Variants in ITPR1 observed in about 807,000 individuals in gnomAD.
ITPR1 encodes the protein inositol 1,4,5-trisphosphate receptor type 1, also known as inositol 1,4,5-trisphosphate-gated calcium channel ITPR1.
A neutral mutation model predicts 318.4 loss-of-function variants in ITPR1; 96 were observed. That is an observed-to-expected ratio of 0.30 (90% confidence interval 0.26 to 0.36). The LOEUF is 0.36. Among genes scored for constraint, ITPR1 ranks in the 10% least tolerant of loss-of-function variants. The pLI is 1.00. For missense variants in ITPR1, 2,440 were observed against 3,460.2 expected, an observed-to-expected ratio of 0.71 and a Z score of 7.40; for synonymous variants, 1,312 against 1,289.9, an observed-to-expected ratio of 1.02 and a Z score of -0.37.
chr3:4,613,200 A>G lies in ITPR1; in HGVS notation c.164-14563A>G, dbSNP rs942304885. On this transcript the variant is annotated intron_variant, in intron 4 of 61. Transcript: ENST00000649015. ...CCAGGTTAGGAGTAGATAAGAGACAAAAGGTTGCATTCTTCTGAGTCCTTT... is the reference window on the plus strand; with the variant it reads ...CCAGGTTAGGAGTAGATAAGAGACAGAAGGTTGCATTCTTCTGAGTCCTTT... Among the ~76,000 whole-genome samples the G allele has an allele frequency of 1.4e-3, 217 of 152,320 alleles. 2 individuals carry two copies. The highest frequency in any genetic ancestry group is 5.0e-3 in the African/African-American group (206 of 41,566).
chr3:4,515,337 T>A (rs1327022528), intron 2 of ITPR1, among the ~76,000 whole-genome samples: 1 of 152,178 alleles, frequency 6.6e-6, no homozygotes, highest in Admixed American at 6.5e-5. Flanking sequence ...CGTTCCACAC[T>A]GTTACAACTC....
rs762425904 is a variant in ITPR1 at position 4,653,905 on chromosome 3, C to T, written c.996+19C>T. 6.4e-7 allele frequency: 1 copy of T among 1,573,108 alleles called. No individual in the cohort carries two copies. The highest frequency in any genetic ancestry group is 1.1e-5 in the South Asian group (1 of 88,762). ...GCCCTCAGTAAGTATGGACAAGAGC[C>T]TTCTTGTCTTCATCTGGTAGGGTGC... On this transcript the variant is annotated intron_variant, in intron 12 of 61. Coordinates refer to ENST00000649015, the MANE Select transcript of ITPR1 (RefSeq NM_001378452.1).
intron 10 of ITPR1, among the ~76,000 whole-genome samples, chr3:4,649,108 T>G (rs1376490398): frequency 6.6e-6 from 1 of 152,190 alleles, no homozygotes; most frequent in African/African-American, 2.4e-5. Flanking sequence ...ATGGAGACTT[T>G]CTCATCTTTC....
At position 4,710,297 on chromosome 3, in the gene ITPR1, G is replaced by A. The variant is rs369677051; in HGVS notation, c.4843-28G>A. On this transcript the variant is annotated intron_variant, in intron 37 of 61. Transcript: ENST00000649015. This position sits in a 1 kb window ranked among gnomAD's most constrained non-coding sequence, Gnocchi z 4.2. ...CCTGTGGTCAGCGTCTGCCTGAGCCGTTGACTGAGGCTGTGTTTCCGTTTT... is the reference window on the plus strand; with the variant it reads ...CCTGTGGTCAGCGTCTGCCTGAGCCATTGACTGAGGCTGTGTTTCCGTTTT... 5.3e-5 allele frequency: 80 copies of A among 1,516,678 alleles called. No homozygotes were observed. Among genetic ancestry groups the A allele is most frequent in the Middle Eastern group, 2.2e-4 (1 of 4,606 alleles). The allele number at this position is 1,516,678 out of a possible 1,614,324, so 94.0% of individuals were successfully genotyped here.
chr3:4,631,483 C>A (rs1265772697), intron 5 of ITPR1, among the ~76,000 whole-genome samples: 1 of 151,898 alleles, frequency 6.6e-6, no homozygotes, highest in East Asian at 1.9e-4. Context: ...TTTCTCAAAT[C>A]CTCTTTTAAA....
intron 2 of ITPR1, among the ~76,000 whole-genome samples, chr3:4,498,158 C>T (rs1471671547): frequency 6.6e-6 from 1 of 152,064 alleles, no homozygotes; most frequent in Non-Finnish European, 1.5e-5. Flanking sequence ...GTACTTAGTG[C>T]CACTGAGTTA....
At chr3:4,724,861 G>A (rs891930638) in intron 40 of ITPR1, among the ~76,000 whole-genome samples, 3 of 152,192 alleles carry the variant, frequency 2.0e-5, no homozygotes, top group African/African-American at 7.2e-5. Flanking sequence ...TGTGTGGCAT[G>A]GCTGGGATGG....
rs1182407518 is a variant in ITPR1 at position 4,524,808 on chromosome 3, A to G, written c.163+3714A>G. Among the ~76,000 whole-genome samples the G allele has an allele frequency of 3.3e-5, 5 of 152,274 alleles. No homozygotes were observed. The East Asian group carries it at 9.6e-4, about 29-fold the overall frequency. On this transcript the variant is annotated intron_variant, in intron 4 of 61. Coordinates refer to ENST00000649015, the MANE Select transcript of ITPR1 (RefSeq NM_001378452.1). ...GGATCAGGCTTCCTGGTTCATATCC[A>G]AGTTCCATGAATTCTTTGCTGTGTG... is the stretch of plus-strand genomic sequence containing the variant.
chr3:4,563,636 G>T (rs1442911940), intron 4 of ITPR1, among the ~76,000 whole-genome samples: 2 of 152,184 alleles, frequency 1.3e-5, no homozygotes, highest in South Asian at 2.1e-4. Context: ...TGCAGAGTAC[G>T]TGTTTCTGGT....
intron 12 of ITPR1, among the ~76,000 whole-genome samples, chr3:4,654,118 G>A (rs1028451729): frequency 2.6e-5 from 4 of 152,090 alleles, no homozygotes; most frequent in Admixed American, 6.5e-5. Flanking sequence ...GTGTAGTAAC[G>A]GGGTCTCCAT....
In ITPR1 at chr3:4,788,095, C is replaced by A; in HGVS notation, c.6764C>A (p.Ser2255Tyr). 1.2e-6 allele frequency: 2 copies of A among 1,609,394 alleles called. No individual in the cohort carries two copies. Among genetic ancestry groups the A allele is most frequent in the South Asian group, 2.2e-5 (2 of 89,794 alleles). ...GSKINDFFLR[S>Y]EDLFNEMNWQ... is the part of the protein sequence containing the mutation. ...AAAATCAATGATTTCTTTCTGCGGT[C>A]TGAAGACCTCTTCAATGAAATGAAT... Residue 2255 changes from serine to tyrosine, a missense_variant, in exon 52 of 62, where the codon TCT (serine) becomes TAT (tyrosine). Coordinates refer to ENST00000649015, the MANE Select transcript of ITPR1 (RefSeq NM_001378452.1).
intron 12 of ITPR1, among the ~76,000 whole-genome samples, chr3:4,656,004 T>C (rs1285329494): frequency 6.6e-6 from 1 of 152,226 alleles, no homozygotes; most frequent in Non-Finnish European, 1.5e-5. Context: ...ACAGCTTCAG[T>C]GCCTGTGGTT....
chr3:4,749,849 A>C (rs1328504435), intron 44 of ITPR1: 1 of 152,692 alleles, frequency 6.5e-6, no homozygotes, highest in Admixed American at 6.5e-5. Context: ...TAACAAAGAC[A>C]CTGAAGCACC....
chr3:4,645,801 A>C (rs201304424), intron 10 of ITPR1, 73 bp downstream of exon 10: 3 of 1,341,970 alleles, frequency 2.2e-6, no homozygotes, highest in Non-Finnish European at 2.0e-6. Flanking sequence ...CTCTCTCTCT[A>C]TCCTACAAAT....
intron 4 of ITPR1, among the ~76,000 whole-genome samples, chr3:4,609,009 A>C (rs1250073483): frequency 1.5e-5 from 2 of 135,998 alleles, no homozygotes; most frequent in East Asian, 4.3e-4. Flanking sequence ...TTTAAAAAAA[A>C]AAAAAAAAAA....
chr3:4,536,250 A>G (rs576642205), intron 4 of ITPR1, among the ~76,000 whole-genome samples: 2 of 152,224 alleles, frequency 1.3e-5, no homozygotes, highest in East Asian at 1.9e-4. Flanking sequence ...TGTCAATTAC[A>G]TATTGATACA....
intron 18 of ITPR1, among the ~76,000 whole-genome samples, chr3:4,668,368 T>C (rs997413350): frequency 1.3e-5 from 2 of 152,172 alleles, no homozygotes; most frequent in Non-Finnish European, 2.9e-5. Flanking sequence ...GAAGATGCGA[T>C]GTTTGTCTTT....
chr3:4,825,557 G>A (rs1461649118), intron 60 of ITPR1, among the ~76,000 whole-genome samples: 2 of 152,202 alleles, frequency 1.3e-5, no homozygotes, highest in South Asian at 2.1e-4. Flanking sequence ...AAACATCTAT[G>A]AGGAAACATT....
At chr3:4,567,583 G>A (rs534777019) in intron 4 of ITPR1, among the ~76,000 whole-genome samples, 4 of 149,118 alleles carry the variant, frequency 2.7e-5, no homozygotes, top group Non-Finnish European at 5.9e-5. Context: ...GGCTTTATAG[G>A]GGAGGTGACG....
Sources: gnomAD v4.1 joint callset for allele counts (sites outside exome capture counted in the v4.1 genomes callset) on GRCh38, gnomAD v4.1.1 for gene constraint, Gnocchi (gnomAD v3.1) non-coding constraint, MANE v1.5 for transcripts, NCBI Gene and HGNC (gene_info 2026-07-23, HGNC 2026-07-21) for gene names.